Variants in ERAP2 observed in about 807,000 individuals in gnomAD.
ERAP2 encodes the protein leukocyte-derived arginine aminopeptidase.
Under a neutral mutation model 111.1 loss-of-function variants are expected in ERAP2, and 118 were observed. That is an observed-to-expected ratio of 1.06 (90% CI 0.92 to 1.24). The LOEUF (loss-of-function observed/expected upper bound fraction) is 1.24, where lower values mean the gene tolerates loss of function less well. Ranked by LOEUF, ERAP2 falls within the 50% of genes most tolerant of loss-of-function variation. The pLI, the probability that ERAP2 is intolerant of heterozygous loss-of-function variation, is 0.00. For synonymous variants in ERAP2, 410 were observed against 401.2 expected, an observed-to-expected ratio of 1.02 and a Z score of -0.26; for missense variants, 1,131 against 1,125.8, an observed-to-expected ratio of 1.00 and a Z score of -0.07.
rs760144825 is a variant in ERAP2 at position 96,879,789 on chromosome 5, G to T, written c.104G>T (p.Cys35Phe). The T allele has an allele frequency of 1.9e-6, 3 of 1,614,070 alleles. No individual in the cohort carries two copies. In the African/African-American group the frequency reaches 4.0e-5, roughly 22 times the overall value. The change falls in exon 2 of 19, where the codon TGT (cysteine) becomes TTT (phenylalanine). Residue 35 changes from cysteine to phenylalanine, a missense_variant. By Grantham distance (205) the Cys-to-Phe change is radical. Around this residue, in one of 3 missense-constraint regions of ERAP2, gnomAD observed 847 missense variants for 856.5 expected, o/e 0.99. Transcript: ENST00000437043. Reference sequence around the variant, plus strand: ...GCCATCTTGCCCCAAATATGCATTTGTTCTCAGTTCTCAGTGCCATCTAGT... The same window carrying T: ...GCCATCTTGCCCCAAATATGCATTTTTTCTCAGTTCTCAGTGCCATCTAGT... ...LTAILPQICI[C>F]SQFSVPSSYH...
chr5:96,916,413 T>C (rs1787390394), intron 18 of ERAP2, among the ~76,000 whole-genome samples: 1 of 151,856 alleles, frequency 6.6e-6, no homozygotes, highest in Admixed American at 6.6e-5. Context: ...GAAGCGTACT[T>C]AATGATCTTT....
At chr5:96,888,001 T>C (rs924694111) in intron 4 of ERAP2, among the ~76,000 whole-genome samples, 2 of 151,958 alleles carry the variant, frequency 1.3e-5, no homozygotes, top group African/African-American at 4.8e-5. Flanking sequence ...GTCAGGCACC[T>C]GTAATCCCAG....
intron 14 of ERAP2, 59 bp from the exon 15 acceptor site, chr5:96,909,521 A>G: frequency 2.2e-6 from 3 of 1,390,390 alleles, no homozygotes; most frequent in South Asian, 2.4e-5. Context: ...TTAGATGGGC[A>G]AGAACTGTGT....
At chr5:96,892,236 G>T in intron 5 of ERAP2, 63 bp from the exon 6 acceptor site, 1 of 1,552,254 alleles carries the variant, frequency 6.4e-7, no homozygotes, top group South Asian at 1.1e-5. Context: ...TTTGAGCAGA[G>T]AGCAAATTCT....
chr5:96,913,917 G>A (rs923030404), intron 17 of ERAP2, among the ~76,000 whole-genome samples: 11 of 152,210 alleles, frequency 7.2e-5, no homozygotes, highest in Non-Finnish European at 1.6e-4. Flanking sequence ...TGGCACAGTG[G>A]AGACCTTGGT....
At chr5:96,897,934 C>T (rs978966202) in intron 9 of ERAP2, among the ~76,000 whole-genome samples, 19 of 152,186 alleles carry the variant, frequency 1.2e-4, no homozygotes, top group African/African-American at 2.2e-4. Context: ...CAATGGCTCA[C>T]GCCTGTAATC....
At chr5:96,905,696 C>A (rs1476596803) in intron 13 of ERAP2, among the ~76,000 whole-genome samples, 1 of 152,016 alleles carries the variant, frequency 6.6e-6, no homozygotes, top group African/African-American at 2.4e-5. Flanking sequence ...TCAGCCTGGG[C>A]AACATAGTGA....
intron 2 of ERAP2, among the ~76,000 whole-genome samples, chr5:96,882,649 A>T (rs1783270819): frequency 1.3e-5 from 2 of 152,174 alleles, no homozygotes; most frequent in South Asian, 4.1e-4. Context: ...TTCAATGTAG[A>T]CTTGTTACAA....
chr5:96,884,923 A>G (rs1179327583), intron 3 of ERAP2, among the ~76,000 whole-genome samples: 1 of 151,412 alleles, frequency 6.6e-6, no homozygotes, highest in African/African-American at 2.4e-5. Context: ...GTATTGAGAA[A>G]ACAGCTAAAT....
intron 17 of ERAP2, among the ~76,000 whole-genome samples, 199 bp downstream of exon 17, chr5:96,913,656 G>T (rs1324725091): frequency 6.6e-6 from 1 of 152,208 alleles, no homozygotes; most frequent in African/African-American, 2.4e-5. Context: ...ATAAGGGAAT[G>T]GGAAACAGCC....
rs773702450 is a variant in ERAP2, at chr5:96,892,470, A to G, written c.1125+17A>G. On this transcript the variant is annotated intron_variant, in intron 6 of 18. Coordinates refer to ENST00000437043, the MANE Select transcript of ERAP2 (RefSeq NM_022350.5). ...GCGCACCAGGTACTTGGCACTCATG[A>G]CATTATCTCGATATCAGTTCAAAAT... 6.2e-7 allele frequency: 1 copy of G among 1,613,354 alleles called. No homozygotes were observed. Among genetic ancestry groups the G allele is most frequent in the South Asian group, 1.1e-5 (1 of 91,068 alleles).
chr5:96,915,702 C>A lies in ERAP2; in HGVS notation c.2672C>A (p.Ser891Ter). 6.5e-7 allele frequency: 1 copy of A among 1,550,134 alleles called. No homozygotes were observed. Among genetic ancestry groups the A allele is most frequent in the South Asian group, 1.3e-5 (1 of 79,802 alleles). ...THLLKKFDLGSYDIRMIISGT... is the reference protein window; with the variant it reads ...THLLKKFDLG ...TTTATTTTCAGATTTGACTTGGGCT[C>A]ATATGACATAAGGATGATCATCTCT... Residue 891 changes from serine (S) to a stop codon, truncating the protein, a stop_gained, in exon 18 of 19, where the codon TCA becomes TAA. Transcript: ENST00000437043. LOFTEE classifies it high-confidence loss of function.
intron 6 of ERAP2, among the ~76,000 whole-genome samples, chr5:96,894,109 G>C (rs1784637292): frequency 6.6e-6 from 1 of 152,190 alleles, no homozygotes; most frequent in South Asian, 2.1e-4. Context: ...TTTGTATTGA[G>C]GCAGTGGCTA....
intron 17 of ERAP2, among the ~76,000 whole-genome samples, chr5:96,915,137 A>G (rs993991886): frequency 1.2e-4 from 18 of 152,122 alleles, no homozygotes; most frequent in Admixed American, 3.3e-4. Context: ...CCTCCTGAGT[A>G]GCTGGGATTA....
intron 15 of ERAP2, among the ~76,000 whole-genome samples, chr5:96,911,028 ATAT>A (rs1434422160): frequency 1.1e-4 from 16 of 152,220 alleles, no homozygotes; most frequent in Admixed American, 1.0e-3. Flanking sequence ...GATCTTTATT[ATAT>A]TATTCAAATG....
At position 96,892,440 on chromosome 5, in the gene ERAP2, A is replaced by T. The variant is rs1376448945; in HGVS notation, c.1112A>T (p.Glu371Val). ...TGGGTCACCAGAGTCATAGCCCATGAACTGGCGCACCAGGTACTTGGCACT... is the reference window on the plus strand; with the variant it reads ...TGGGTCACCAGAGTCATAGCCCATGTACTGGCGCACCAGGTACTTGGCACT... Reference protein sequence around the residue: ...KLWVTRVIAHELAHQWFGNLV... With the variant: ...KLWVTRVIAHVLAHQWFGNLV... Residue 371 changes from glutamate to valine, a missense_variant, in exon 6 of 19, where the codon GAA becomes GTA. Glu to Val is a moderately radical substitution (Grantham distance 121). Coordinates refer to ENST00000437043, the MANE Select transcript of ERAP2 (RefSeq NM_022350.5). The T allele has an allele frequency of 6.2e-7, 1 of 1,613,972 alleles. No individual in the cohort carries two copies. The highest frequency in any genetic ancestry group is 2.2e-5 in the East Asian group (1 of 44,876).
chr5:96,907,883 CAAA>C (rs61258566), intron 13 of ERAP2, among the ~76,000 whole-genome samples: 80,483 of 147,716 alleles, frequency 0.54, 21,495 homozygotes, highest in Admixed American at 0.59. Context: ...AACTCTGTCT[CAAA>C]AAAAAAAAAT....
intron 15 of ERAP2, among the ~76,000 whole-genome samples, chr5:96,912,427 T>C (rs1365341165): frequency 6.6e-6 from 1 of 152,152 alleles, no homozygotes. Context: ...CTTGCTAACA[T>C]TTTATCATCA....
chr5:96,888,466 G>A (rs1266996836), intron 4 of ERAP2, among the ~76,000 whole-genome samples: 1 of 152,208 alleles, frequency 6.6e-6, no homozygotes. Flanking sequence ...GCTTCATAGA[G>A]TGGGCACAAG....
Sources: gnomAD v4.1 joint callset for allele counts (sites outside exome capture counted in the v4.1 genomes callset) on GRCh38, gnomAD v4.1.1 for gene constraint, gnomAD v4.1.1 regional missense constraint, MANE v1.5 for transcripts, NCBI Gene and HGNC (gene_info 2026-07-23, HGNC 2026-07-21) for gene names.